GALNT10: variants seen among roughly 807,000 people sequenced by gnomAD.
The protein encoded by GALNT10 is polypeptide N-acetylgalactosaminyltransferase 10, also known as GalNAc transferase 10.
GALNT10 carries 41 observed loss-of-function variants against 75.0 expected under a neutral mutation model. The ratio of observed to expected loss-of-function variants is 0.55; its 90% confidence interval spans 0.43 to 0.71. GALNT10 has a LOEUF of 0.71. Ranked by LOEUF, GALNT10 falls within the 30% of genes least tolerant of loss-of-function variation. The pLI is 0.00. For synonymous variants in GALNT10, 302 were observed against 313.0 expected (o/e 0.96, Z 0.37); for missense variants, 727 against 818.5 (o/e 0.89, Z 1.36).
intron 5 of GALNT10, among the ~76,000 whole-genome samples, chr5:154,378,317 TATCATCATC>T (rs111591729): frequency 6.6e-6 from 1 of 150,992 alleles, no homozygotes; most frequent in Middle Eastern, 3.4e-3. Flanking sequence ...TTTCCTTTTT[TATCATCATC>T]ATCATCATCA....
chr5:154,405,452 G>C (rs1756259216), intron 8 of GALNT10, among the ~76,000 whole-genome samples: 1 of 152,246 alleles, frequency 6.6e-6, no homozygotes. Flanking sequence ...CATCCGACAC[G>C]GGCGGGGGGT....
At chr5:154,257,104 G>A (rs552157204) in intron 1 of GALNT10, among the ~76,000 whole-genome samples, 25 of 151,932 alleles carry the variant, frequency 1.6e-4, no homozygotes, top group African/African-American at 4.3e-4. Context: ...GCAAGACCCC[G>A]TCTCCAAAAA....
rs1755648987 is a variant in GALNT10, at chr5:154,376,157, G to A, written c.569-120G>A. ...CTTCTCCCTGTCTGAAAGGTCTAGT[G>A]AGGCAGTGTACAGGAAAGCTGTGTC... is the stretch of plus-strand genomic sequence containing the variant. On this transcript the variant is annotated intron_variant, in intron 4 of 11. Coordinates refer to ENST00000297107, the MANE Select transcript of GALNT10 (RefSeq NM_198321.4). The surrounding 1 kb of genome is among the most constrained non-coding windows in gnomAD (Gnocchi z 4.1). The A allele has an allele frequency of 1.4e-6, 1 of 708,502 alleles. No individual in the cohort carries two copies. The highest frequency in any genetic ancestry group is 1.7e-5 in the South Asian group (1 of 58,584). The allele number at this position is 708,502 out of a possible 1,614,324, so 43.9% of individuals were successfully genotyped here.
chr5:154,389,289 G>A (rs1490745189), intron 7 of GALNT10: 1 of 151,574 alleles, frequency 6.6e-6, no homozygotes, highest in African/African-American at 2.4e-5. Flanking sequence ...TATGTAAAAT[G>A]TATAAAAGTC....
chr5:154,386,650 C>A (rs1755811811), intron 7 of GALNT10: 3 of 607,976 alleles, frequency 4.9e-6, no homozygotes, highest in Non-Finnish European at 8.7e-6. Flanking sequence ...CTGCCAAAGG[C>A]TGGTCCTCAC....
chr5:154,350,670 C>T (rs768157678), intron 4 of GALNT10, among the ~76,000 whole-genome samples: 1 of 152,170 alleles, frequency 6.6e-6, no homozygotes, highest in Non-Finnish European at 1.5e-5. Flanking sequence ...CGTAAAAACT[C>T]CCACCTTGGC....
intron 7 of GALNT10, among the ~76,000 whole-genome samples, chr5:154,399,397 G>A (rs1199597161): frequency 1.3e-5 from 2 of 152,186 alleles, no homozygotes; most frequent in Non-Finnish European, 2.9e-5. Context: ...TCACAAGAGG[G>A]AGGTGAGCAA....
chr5:154,372,905 A>G lies in GALNT10; in HGVS notation c.569-3372A>G, dbSNP rs75630452. ...TCTAACACCTGTGTAATGCCTTACA[A>G]TGATGGGCTTTCCCACCTTCAGAAT... On this transcript the variant is annotated intron_variant, in intron 4 of 11. Transcript: ENST00000297107. Among the ~76,000 whole-genome samples the G allele has an allele frequency of 8.9e-3, 1,355 of 152,318 alleles. 13 individuals carry two copies. The highest frequency in any genetic ancestry group is 0.031 in the African/African-American group (1,294 of 41,558).
chr5:154,338,422 C>G (rs74680955), intron 4 of GALNT10: 1 of 381,194 alleles, frequency 2.6e-6, no homozygotes, highest in East Asian at 5.8e-5. Flanking sequence ...CTCAGCTGCT[C>G]GGGCTCTTTA....
chr5:154,273,942 C>T (rs561319252), intron 1 of GALNT10, among the ~76,000 whole-genome samples: 1 of 152,234 alleles, frequency 6.6e-6, no homozygotes, highest in Non-Finnish European at 1.5e-5. Flanking sequence ...GTTGCTGCAT[C>T]TCCAGAGATC....
intron 1 of GALNT10, among the ~76,000 whole-genome samples, chr5:154,265,582 G>A (rs139443403): frequency 1.1e-3 from 174 of 152,280 alleles, no homozygotes; most frequent in Middle Eastern, 6.8e-3. Context: ...ATAATTTTAT[G>A]CTGTTTATAT....
At chr5:154,223,107 A>G (rs966361147) in intron 1 of GALNT10, among the ~76,000 whole-genome samples, 6 of 152,200 alleles carry the variant, frequency 3.9e-5, no homozygotes, top group Admixed American at 3.9e-4. Flanking sequence ...TGTGTAGGGC[A>G]CCGTACTAGG....
chr5:154,404,778 G>A (rs1002508982), intron 8 of GALNT10, among the ~76,000 whole-genome samples: 3 of 152,132 alleles, frequency 2.0e-5, no homozygotes, highest in Non-Finnish European at 4.4e-5. Context: ...TTCTGGAGGG[G>A]AAGTGGGCTT....
chr5:154,287,770 C>T (rs1022392086), intron 1 of GALNT10, among the ~76,000 whole-genome samples: 1 of 152,140 alleles, frequency 6.6e-6, no homozygotes, highest in African/African-American at 2.4e-5. Context: ...GTCCTCAAAA[C>T]TCATGAAGAA....
At chr5:154,354,505 T>C (rs2113147593) in intron 4 of GALNT10, among the ~76,000 whole-genome samples, 1 of 152,312 alleles carries the variant, frequency 6.6e-6, no homozygotes, top group African/African-American at 2.4e-5. Context: ...TTCTACCTGA[T>C]TGTCTCTCAT....
intron 4 of GALNT10, 79 bp downstream of exon 4, chr5:154,329,817 C>A: frequency 1.0e-6 from 1 of 996,986 alleles, no homozygotes; most frequent in Non-Finnish European, 1.5e-6. Context: ...GTTTTCCCTT[C>A]TTTAGCAGCA....
intron 1 of GALNT10, among the ~76,000 whole-genome samples, chr5:154,223,278 C>T (rs1753010625): frequency 6.6e-6 from 1 of 152,166 alleles, no homozygotes. Flanking sequence ...CTCAGAACAA[C>T]CCTCTGAGGT....
In GALNT10 at chr5:154,417,047, C is replaced by T. The variant is rs1464125092; in HGVS notation, c.*75C>T. On this transcript the variant is annotated 3_prime_UTR_variant, in exon 12 of 12. Transcript: ENST00000297107. ...ACTTCCTCTTTCAAGGGAGGCAGGG[C>T]CCCTGTGGGCACTAGGTGTAAAAGG... The T allele has an allele frequency of 7.4e-7, 1 of 1,354,962 alleles. No homozygotes were observed. Among genetic ancestry groups the T allele is most frequent in the Non-Finnish European group, 1.0e-6 (1 of 958,046 alleles). 83.9% of individuals were successfully genotyped at this position (1,354,962 alleles called of 1,614,324 possible).
At chr5:154,306,351 C>T (rs1378560153) in intron 3 of GALNT10, among the ~76,000 whole-genome samples, 1 of 152,104 alleles carries the variant, frequency 6.6e-6, no homozygotes, top group Non-Finnish European at 1.5e-5. Context: ...TGAAATTAAA[C>T]TTAGAAATCA....
Sources: gnomAD v4.1 joint callset for allele counts (sites outside exome capture counted in the v4.1 genomes callset) on GRCh38, gnomAD v4.1.1 for gene constraint, Gnocchi (gnomAD v3.1) non-coding constraint, MANE v1.5 for transcripts, NCBI Gene and HGNC (gene_info 2026-07-23, HGNC 2026-07-21) for gene names.